Variants in CFAP44 observed in about 807,000 individuals in gnomAD.
The protein encoded by CFAP44 is cilia- and flagella-associated protein 44.
In CFAP44, 134 loss-of-function variants were observed where a neutral mutation model predicts 216.2. The ratio of observed to expected loss-of-function variants is 0.62; its 90% CI spans 0.54 to 0.72. The LOEUF (loss-of-function observed/expected upper bound fraction) is 0.72. Ranked by LOEUF, CFAP44 falls within the 30% of genes least tolerant of loss-of-function variation. The pLI is 0.00. For synonymous variants in CFAP44, 700 were observed against 727.6 expected (o/e 0.96, Z 0.61); for missense variants, 2,035 against 2,182.1 (o/e 0.93, Z 1.34).
intron 18 of CFAP44, among the ~76,000 whole-genome samples, chr3:113,373,024 GGTC>G (rs1933223800): frequency 6.6e-6 from 1 of 152,130 alleles, no homozygotes; most frequent in Non-Finnish European, 1.5e-5. Flanking sequence ...TATTATATTG[GGTC>G]GTCAGAAGAA....
chr3:113,310,762 C>T (rs899762776), intron 28 of CFAP44, among the ~76,000 whole-genome samples: 2 of 152,150 alleles, frequency 1.3e-5, no homozygotes, highest in African/African-American at 2.4e-5. Flanking sequence ...GTGCTGTTCT[C>T]ATGATAGTGA....
chr3:113,287,327 A>G lies in CFAP44; in HGVS notation c.*4230T>C. ...ACATTTTCCTAAGATGCCCATGAGAACAGACCAAGATGTGTACAGCACTAT... is the reference window on the plus strand; with the variant it reads ...ACATTTTCCTAAGATGCCCATGAGAGCAGACCAAGATGTGTACAGCACTAT... On this transcript the variant is annotated 3_prime_UTR_variant, in exon 35 of 35. Transcript: ENST00000393845. 3.3e-6 allele frequency: 1 copy of G among 302,208 alleles called. No individual in the cohort carries two copies. The highest frequency in any genetic ancestry group is 2.9e-5 in the South Asian group (1 of 34,022). 18.7% of individuals were successfully genotyped at this position (302,208 alleles called of 1,614,324 possible).
At chr3:113,323,879 T>A (rs1233990136) in intron 28 of CFAP44, among the ~76,000 whole-genome samples, 1 of 151,950 alleles carries the variant, frequency 6.6e-6, no homozygotes, top group East Asian at 1.9e-4. Flanking sequence ...CCGTCTCTAC[T>A]AAAAACACAA....
rs189551821 is a variant in CFAP44 at position 113,414,389 on chromosome 3, A to G, written c.673+2136T>C. The stretch of plus-strand genomic sequence containing the variant: ...CTGATTTCCCTGTCCAGAACTTCCA[A>G]TACTATGTTGAATAGGAGTGGTGAG... On this transcript the variant is annotated intron_variant, in intron 6 of 34. Transcript: ENST00000393845. Among the ~76,000 whole-genome samples the G allele has an allele frequency of 2.0e-5, 3 of 152,258 alleles. No individual in the cohort carries two copies. The East Asian group carries it at 5.8e-4, about 29-fold the overall frequency.
intron 5 of CFAP44, among the ~76,000 whole-genome samples, chr3:113,418,786 A>G (rs1576602070): frequency 6.6e-6 from 1 of 151,958 alleles, no homozygotes; most frequent in African/African-American, 2.4e-5. Context: ...GTTCACTGCA[A>G]CCTCCACTTC....
At position 113,420,317 on chromosome 3, in the gene CFAP44, CA is replaced by C. The variant is rs914820592; in HGVS notation, c.408-139del. The C allele has an allele frequency of 8.7e-5, 75 of 864,092 alleles. No individual in the cohort carries two copies. The African/African-American group carries it at 1.3e-3, about 15-fold the overall frequency. 53.5% of individuals were successfully genotyped at this position (864,092 alleles called of 1,614,324 possible). On this transcript the variant is annotated intron_variant, in intron 4 of 34. Transcript: ENST00000393845. ...AGTAGTTGAATTTTACCCTGAAACT[CA>C]TGATTTTTCTACATATTACTAACAA...
At chr3:113,350,538 T>C (rs940054209) in intron 22 of CFAP44, among the ~76,000 whole-genome samples, 1 of 152,212 alleles carries the variant, frequency 6.6e-6, no homozygotes, top group Non-Finnish European at 1.5e-5. Context: ...TAATTGATAA[T>C]TGACAGTCTT....
Position 113,290,513 on chromosome 3 carries a change from T to G in CFAP44, c.*1044A>C, listed in dbSNP as rs1037292271. 3.3e-5 allele frequency: 5 copies of G among 152,192 alleles called. No individual in the cohort carries two copies. In the East Asian group the frequency reaches 9.6e-4, roughly 29 times the overall value. The allele number at this position is 152,192 out of a possible 1,614,324, so 9.4% of individuals were successfully genotyped here. A position where few individuals can be genotyped will look rare whatever the true frequency, so the allele number is the denominator to read the frequency against. ...CTTATCCTGGAACAGCCTCAATGAGTAGCTCGTTAATACAGAGCTCTTAAT... is the reference window on the plus strand; with the variant it reads ...CTTATCCTGGAACAGCCTCAATGAGGAGCTCGTTAATACAGAGCTCTTAAT... On this transcript the variant is annotated 3_prime_UTR_variant, in exon 35 of 35. Coordinates refer to ENST00000393845, the MANE Select transcript of CFAP44 (RefSeq NM_001164496.2).
intron 18 of CFAP44, among the ~76,000 whole-genome samples, chr3:113,367,586 C>G (rs1016383744): frequency 6.6e-6 from 1 of 152,188 alleles, no homozygotes; most frequent in Non-Finnish European, 1.5e-5. Flanking sequence ...AGGTCACCAA[C>G]ATCAAAGACC....
chr3:113,425,995 G>A, intron 4 of CFAP44, 129 bp downstream of exon 4: 2 of 1,055,684 alleles, frequency 1.9e-6, no homozygotes, highest in Non-Finnish European at 2.8e-6. Flanking sequence ...ATGTGGCTGT[G>A]TTGCAATAAA....
At chr3:113,312,588 G>T (rs1033252579) in intron 28 of CFAP44, among the ~76,000 whole-genome samples, 1 of 152,148 alleles carries the variant, frequency 6.6e-6, no homozygotes, top group African/African-American at 2.4e-5. Context: ...TATCTCCAGG[G>T]CATGTCGGAG....
chr3:113,416,673 G>A (rs375543955), intron 5 of CFAP44, 46 bp from the exon 6 acceptor site: 52 of 1,362,722 alleles, frequency 3.8e-5, no homozygotes, highest in Middle Eastern at 4.3e-4. Context: ...AAAGATTTTT[G>A]TATAAATAGT....
intron 23 of CFAP44, among the ~76,000 whole-genome samples, chr3:113,342,688 A>C (rs992997918): frequency 1.3e-5 from 2 of 152,136 alleles, no homozygotes; most frequent in African/African-American, 4.8e-5. Flanking sequence ...CAAATAAATA[A>C]TTTAAAAATT....
chr3:113,313,480 A>G (rs542223384), intron 28 of CFAP44, among the ~76,000 whole-genome samples: 2 of 152,032 alleles, frequency 1.3e-5, no homozygotes, highest in South Asian at 4.1e-4. Context: ...TAAGACTTTG[A>G]GGGACTGTTG....
At chr3:113,358,935 T>G in intron 21 of CFAP44, 60 bp from the exon 22 acceptor site, 1 of 1,484,436 alleles carries the variant, frequency 6.7e-7, no homozygotes, top group South Asian at 1.3e-5. Context: ...TTTCATATAT[T>G]TCAGTTTTGT....
intron 1 of CFAP44, among the ~76,000 whole-genome samples, chr3:113,438,170 G>A (rs545096634): frequency 6.6e-6 from 1 of 152,332 alleles, no homozygotes; most frequent in Non-Finnish European, 1.5e-5. Flanking sequence ...AGAAATGGCA[G>A]TTGTTTTTAC....
chr3:113,409,329 G>C lies in CFAP44; in HGVS notation c.674-7C>G. 6.2e-7 allele frequency: 1 copy of C among 1,610,214 alleles called. No individual in the cohort carries two copies. Among genetic ancestry groups the C allele is most frequent in the South Asian group, 1.1e-5 (1 of 90,528 alleles). ...TATCCCTTCTCAGTCCCATCTGGAA[G>C]GATAAATGGAAGCCTAATAAATAAG... On this transcript the variant is annotated splice_polypyrimidine_tract_variant and splice_region_variant and intron_variant, in intron 6 of 34. Coordinates refer to ENST00000393845, the MANE Select transcript of CFAP44 (RefSeq NM_001164496.2).
At chr3:113,366,344 T>C (rs1431607750) in intron 18 of CFAP44, 35 bp from the exon 19 acceptor site, 6 of 1,576,146 alleles carry the variant, frequency 3.8e-6, no homozygotes, top group Middle Eastern at 1.9e-4. Context: ...TTCTTCCCAT[T>C]AATCTGAAAA....
At chr3:113,438,869 T>C (rs1472021885) in intron 1 of CFAP44, among the ~76,000 whole-genome samples, 1 of 152,206 alleles carries the variant, frequency 6.6e-6, no homozygotes, top group Non-Finnish European at 1.5e-5. Context: ...CAATTATTCC[T>C]CAATGACATG....
Sources: gnomAD v4.1 joint callset for allele counts (sites outside exome capture counted in the v4.1 genomes callset) on GRCh38, gnomAD v4.1.1 for gene constraint, MANE v1.5 for transcripts, NCBI Gene and HGNC (gene_info 2026-07-23, HGNC 2026-07-21) for gene names.